The following BASP1 variants were observed in gnomAD, a reference collection of about 807,000 sequenced individuals.
The protein encoded by BASP1 is brain abundant membrane attached signal protein 1.
A neutral mutation model predicts 2.2 loss-of-function variants in BASP1; 1 was observed. That is an observed-to-expected ratio of 0.46 (90% confidence interval 0.16 to 2.17). BASP1 has a LOEUF of 2.17. Among genes scored for constraint, BASP1 ranks in the 30% most tolerant of loss-of-function variants. The pLI is 0.27. For synonymous variants in BASP1, 187 were observed against 154.2 expected, an observed-to-expected ratio of 1.21 and a Z score of -1.58; for missense variants, 352 against 327.2, an observed-to-expected ratio of 1.08 and a Z score of -0.58.
intron 1 of BASP1, among the ~76,000 whole-genome samples, chr5:17,253,297 C>T (rs1409383447): frequency 1.3e-5 from 2 of 152,152 alleles, no homozygotes. Flanking sequence ...TACAGCCTCA[C>T]CCTACTGGGC....
At chr5:17,229,306 T>C (rs889378693) in intron 1 of BASP1, among the ~76,000 whole-genome samples, 4 of 152,198 alleles carry the variant, frequency 2.6e-5, no homozygotes, top group Admixed American at 2.6e-4. Context: ...TCTTGTTAAA[T>C]AAGGTTTGAA....
Position 17,228,988 on chromosome 5 carries a change from G to A in BASP1, c.-10+11178G>A, listed in dbSNP as rs78448202. Among the ~76,000 whole-genome samples the A allele has an allele frequency of 2.5e-3, 385 of 152,116 alleles. 8 individuals carry two copies. The East Asian group carries it at 0.053, about 21-fold the overall frequency. ...TTGAGTGTGCTTCCTGTTGGAAGGG[G>A]GTGAGAATTCAGAGATGTATACCTA... On this transcript the variant is annotated intron_variant, in intron 1 of 1. Transcript: ENST00000322611.
intron 1 of BASP1, among the ~76,000 whole-genome samples, chr5:17,246,086 T>C (rs1184669769): frequency 6.6e-6 from 1 of 152,194 alleles, no homozygotes; most frequent in Non-Finnish European, 1.5e-5. Context: ...GGAGGAGTTC[T>C]TTCAGCCAGA....
intron 1 of BASP1, among the ~76,000 whole-genome samples, chr5:17,255,100 G>T (rs1197608661): frequency 6.6e-6 from 1 of 151,658 alleles, no homozygotes; most frequent in Non-Finnish European, 1.5e-5. Context: ...TATTTATTTG[G>T]ACCCATTGTT....
intron 1 of BASP1, among the ~76,000 whole-genome samples, chr5:17,263,686 GGT>G (rs1740364076): frequency 6.6e-6 from 1 of 152,034 alleles, no homozygotes; most frequent in Non-Finnish European, 1.5e-5. Flanking sequence ...GGGAAAATTT[GGT>G]TGTAGAAATG....
chr5:17,222,457 A>G (rs1739409556), intron 1 of BASP1, among the ~76,000 whole-genome samples: 1 of 152,238 alleles, frequency 6.6e-6, no homozygotes, highest in Admixed American at 6.5e-5. Context: ...CCTTTGAGGC[A>G]GACGTCTAGG....
At chr5:17,255,466 A>G (rs991985900) in intron 1 of BASP1, among the ~76,000 whole-genome samples, 1 of 151,970 alleles carries the variant, frequency 6.6e-6, no homozygotes, top group Non-Finnish European at 1.5e-5. Context: ...TTTATTCTGT[A>G]TTTTCCTTAA....
chr5:17,224,704 G>A (rs1449590603), intron 1 of BASP1, among the ~76,000 whole-genome samples: 1 of 152,164 alleles, frequency 6.6e-6, no homozygotes, highest in Admixed American at 6.5e-5. Flanking sequence ...GATGATTGTG[G>A]TTGCTCTTAC....
In BASP1 at chr5:17,236,827, G is replaced by T. The variant is rs1474347142; in HGVS notation, c.-10+19017G>T. Among the ~76,000 whole-genome samples, 1 of 152,130 alleles carries T rather than the reference G, an allele frequency of 6.6e-6. No homozygotes were observed. Among genetic ancestry groups the T allele is most frequent in the Non-Finnish European group, 1.5e-5 (1 of 68,022 alleles). On this transcript the variant is annotated intron_variant, in intron 1 of 1. Coordinates refer to ENST00000322611, the MANE Select transcript of BASP1 (RefSeq NM_006317.5). This position sits in a 1 kb window ranked among gnomAD's most constrained non-coding sequence, Gnocchi z 4.0. ...ATCTTAAGGGAAAAAAATGTTTTTA[G>T]TACTTTTCTTGGTATCTTCTAATCT...
chr5:17,269,016 T>A (rs1453815279), intron 1 of BASP1, among the ~76,000 whole-genome samples: 1 of 152,236 alleles, frequency 6.6e-6, no homozygotes, highest in African/African-American at 2.4e-5. Flanking sequence ...CCTATGTTCA[T>A]TCTTTATTTT....
At chr5:17,265,257 G>C (rs1193744718) in intron 1 of BASP1, among the ~76,000 whole-genome samples, 2 of 152,266 alleles carry the variant, frequency 1.3e-5, no homozygotes, top group East Asian at 3.9e-4. Flanking sequence ...TTCTGAAGAA[G>C]GGCAATGGTA....
intron 1 of BASP1, among the ~76,000 whole-genome samples, chr5:17,241,184 C>T (rs1458356470): frequency 6.6e-6 from 1 of 151,666 alleles, no homozygotes; most frequent in Non-Finnish European, 1.5e-5. Context: ...ACTGCAACTC[C>T]CACCTCTCAG....
chr5:17,246,111 C>G, intron 1 of BASP1, among the ~76,000 whole-genome samples: 1 of 152,162 alleles, frequency 6.6e-6, no homozygotes, highest in Non-Finnish European at 1.5e-5. Context: ...ATAGCCACAA[C>G]TTGTCCCAGC....
intron 1 of BASP1, among the ~76,000 whole-genome samples, chr5:17,235,909 T>A (rs1213215932): frequency 6.6e-6 from 1 of 152,214 alleles, no homozygotes; most frequent in Non-Finnish European, 1.5e-5. Flanking sequence ...AGACACTACT[T>A]GGCCCAGAGT....
At chr5:17,265,694 T>G (rs1489221982) in intron 1 of BASP1, among the ~76,000 whole-genome samples, 1 of 152,196 alleles carries the variant, frequency 6.6e-6, no homozygotes, top group Non-Finnish European at 1.5e-5. Context: ...ACAACCTGTT[T>G]AGTAAGTGTT....
chr5:17,246,393 C>T (rs143929253), intron 1 of BASP1, among the ~76,000 whole-genome samples: 346 of 152,002 alleles, frequency 2.3e-3, no homozygotes, highest in African/African-American at 6.3e-3. Flanking sequence ...GATGCTGAGG[C>T]AGGAGAATCG....
chr5:17,224,496 GC>G (rs1224757072), intron 1 of BASP1, among the ~76,000 whole-genome samples: 1 of 152,040 alleles, frequency 6.6e-6, no homozygotes, highest in Non-Finnish European at 1.5e-5. Context: ...AAAATGGGTA[GC>G]CTTTTCACAT....
At chr5:17,248,390 C>A (rs1282353604) in intron 1 of BASP1, among the ~76,000 whole-genome samples, 1 of 152,110 alleles carries the variant, frequency 6.6e-6, no homozygotes, top group Non-Finnish European at 1.5e-5. Context: ...CTGGATAAGA[C>A]TTTTATAATT....
intron 1 of BASP1, among the ~76,000 whole-genome samples, chr5:17,232,485 A>G (rs761002646): frequency 1.3e-5 from 2 of 152,222 alleles, no homozygotes; most frequent in Non-Finnish European, 2.9e-5. Flanking sequence ...CTTACTCTGC[A>G]TCGTGAGTTC....
Sources: gnomAD v4.1 joint callset for allele counts (sites outside exome capture counted in the v4.1 genomes callset) on GRCh38, gnomAD v4.1.1 for gene constraint, Gnocchi (gnomAD v3.1) non-coding constraint, MANE v1.5 for transcripts, NCBI Gene and HGNC (gene_info 2026-07-23, HGNC 2026-07-21) for gene names.